Variants in GRM8 observed in about 807,000 individuals in gnomAD.
The protein encoded by GRM8 is metabotropic glutamate receptor 8.
Under a neutral mutation model 87.2 loss-of-function variants are expected in GRM8, and 47 were observed. The observed-to-expected ratio is 0.54, with a 90% CI of 0.43 to 0.69. The LOEUF (loss-of-function observed/expected upper bound fraction) is 0.69, where lower values mean the gene tolerates loss of function less well. Among genes scored for constraint, GRM8 ranks in the 30% least tolerant of loss-of-function variants. The pLI is 0.00. For missense variants in GRM8, 1,019 were observed against 1,139.2 expected (o/e 0.89, Z 1.52); for synonymous variants, 396 against 404.5 (o/e 0.98, Z 0.25).
chr7:126,770,331 A>G (rs573619840), intron 6 of GRM8, among the ~76,000 whole-genome samples: 1 of 152,132 alleles, frequency 6.6e-6, no homozygotes, highest in Non-Finnish European at 1.5e-5. Flanking sequence ...CACCTTATTG[A>G]GTCCTATTAT....
At chr7:126,803,685 C>G (rs939157742) in intron 6 of GRM8, among the ~76,000 whole-genome samples, 22 of 152,142 alleles carry the variant, frequency 1.4e-4, no homozygotes, top group African/African-American at 5.1e-4. Context: ...AAACAAAGTC[C>G]TTAATTATCT....
At chr7:126,666,647 A>C (rs1183800343) in intron 7 of GRM8, among the ~76,000 whole-genome samples, 1 of 152,142 alleles carries the variant, frequency 6.6e-6, no homozygotes, top group Non-Finnish European at 1.5e-5. Flanking sequence ...ACTGAGAACC[A>C]TACAAAAAAA....
Position 126,573,039 on chromosome 7 carries a change from G to A in GRM8, c.1494+36323C>T, listed in dbSNP as rs117508320. On this transcript the variant is annotated intron_variant, in intron 8 of 10. Transcript: ENST00000339582. ...GTAAAAATGCATTAGAACGTTAAGC[G>A]ATAGACTGAATATAAGAGAAGACAA... 2.0e-3 allele frequency among the ~76,000 whole-genome samples: 298 copies of A among 152,200 alleles called. 1 individual carries two copies. The highest frequency in any genetic ancestry group is 3.5e-3 in the Non-Finnish European group (235 of 68,002).
rs1232833331 is a variant in GRM8 at position 126,532,984 on chromosome 7, T to C, written c.2398A>G (p.Ile800Val). Residue 800 changes from isoleucine (I) to valine (V), a missense_variant, in exon 9 of 11, where the codon ATC (isoleucine) becomes GTC (valine). Transcript: ENST00000339582. The stretch of plus-strand genomic sequence containing the variant: ...GCTGACTGGGCTGTACCAAAAAAGA[T>C]GGGGATGAAAGCTAACCAAATGATG... Reference protein sequence around the residue: ...TCIIWLAFIPIFFGTAQSAEK... With the variant: ...TCIIWLAFIPVFFGTAQSAEK... 6.2e-7 allele frequency: 1 copy of C among 1,612,494 alleles called. No individual in the cohort carries two copies. The highest frequency in any genetic ancestry group is 1.7e-5 in the Admixed American group (1 of 59,876).
intron 2 of GRM8, among the ~76,000 whole-genome samples, chr7:127,136,912 T>C (rs999918958): frequency 1.3e-5 from 2 of 151,958 alleles, no homozygotes; most frequent in African/African-American, 4.8e-5. Context: ...AGGCAATTTC[T>C]AAAAGACTTT....
intron 2 of GRM8, among the ~76,000 whole-genome samples, chr7:127,173,563 A>G (rs1793937012): frequency 6.6e-6 from 1 of 152,226 alleles, no homozygotes; most frequent in South Asian, 2.1e-4. Flanking sequence ...ACTCTGGGTG[A>G]AACAGGGAAC....
At chr7:126,760,226 CA>C (rs1817454126) in intron 7 of GRM8, among the ~76,000 whole-genome samples, 2 of 151,972 alleles carry the variant, frequency 1.3e-5, no homozygotes, top group African/African-American at 4.8e-5. Context: ...CCAGGAATTA[CA>C]AAAATAAAGA....
chr7:126,648,403 A>T, intron 7 of GRM8, among the ~76,000 whole-genome samples: 1 of 152,202 alleles, frequency 6.6e-6, no homozygotes, highest in East Asian at 1.9e-4. Flanking sequence ...CTAGTATTTT[A>T]TGCCTAATGT....
At chr7:126,807,642 G>C (rs1792909578) in intron 6 of GRM8, among the ~76,000 whole-genome samples, 1 of 151,368 alleles carries the variant, frequency 6.6e-6, no homozygotes, top group Admixed American at 6.6e-5. Context: ...ACTTCTCCTT[G>C]TCTGGACTCC....
chr7:127,086,380 G>A lies in GRM8; in HGVS notation c.727+20116C>T, dbSNP rs548059749. ...CTCCAAAAGTGCTGAGATTACAGGC[G>A]TGAGCCACTGCGCCTGGCCCAGTAT... On this transcript the variant is annotated intron_variant, in intron 3 of 10. Coordinates refer to ENST00000339582, the MANE Select transcript of GRM8 (RefSeq NM_000845.3). 7.2e-5 allele frequency among the ~76,000 whole-genome samples: 11 copies of A among 152,326 alleles called. 1 individual carries two copies. Among genetic ancestry groups the A allele is most frequent in the African/African-American group, 2.2e-4 (9 of 41,572 alleles).
intron 6 of GRM8, among the ~76,000 whole-genome samples, chr7:126,901,305 T>C (rs549212357): frequency 6.6e-6 from 1 of 152,306 alleles, no homozygotes; most frequent in East Asian, 1.9e-4. Context: ...ACAGTCTAAT[T>C]ACCTTCCTCC....
chr7:126,574,758 T>A (rs1463342797), intron 8 of GRM8, among the ~76,000 whole-genome samples: 1 of 152,222 alleles, frequency 6.6e-6, no homozygotes, highest in Non-Finnish European at 1.5e-5. Flanking sequence ...TGTACTATTT[T>A]TTTTAGAAAC....
chr7:127,043,454 T>C (rs1228777461), intron 3 of GRM8, among the ~76,000 whole-genome samples: 2 of 152,216 alleles, frequency 1.3e-5, no homozygotes, highest in Non-Finnish European at 2.9e-5. Context: ...GATGAGTTCA[T>C]GTCCTTTGTA....
chr7:126,525,030 C>T (rs1451304795), intron 9 of GRM8, among the ~76,000 whole-genome samples: 1 of 151,752 alleles, frequency 6.6e-6, no homozygotes, highest in Non-Finnish European at 1.5e-5. Context: ...AAATTCTGCT[C>T]TGGGTTTTCT....
At chr7:127,005,445 A>G (rs1269708759) in intron 3 of GRM8, among the ~76,000 whole-genome samples, 2 of 151,712 alleles carry the variant, frequency 1.3e-5, no homozygotes, top group Non-Finnish European at 3.0e-5. Flanking sequence ...CTAAAAAATG[A>G]AAAATAAAAT....
At chr7:127,090,209 C>G (rs1186360123) in intron 3 of GRM8, among the ~76,000 whole-genome samples, 3 of 152,200 alleles carry the variant, frequency 2.0e-5, no homozygotes, top group Admixed American at 2.0e-4. Flanking sequence ...TGCACACGTA[C>G]CTCAACTGTA....
At chr7:126,606,456 T>A (rs1487413386) in intron 8 of GRM8, among the ~76,000 whole-genome samples, 1 of 152,140 alleles carries the variant, frequency 6.6e-6, no homozygotes, top group African/African-American at 2.4e-5. Flanking sequence ...TTAGACATGA[T>A]AAAACTGAGG....
chr7:126,601,252 G>C (rs1205914348), intron 8 of GRM8, among the ~76,000 whole-genome samples: 1 of 152,042 alleles, frequency 6.6e-6, no homozygotes, highest in Non-Finnish European at 1.5e-5. Context: ...CCCTACAAAC[G>C]ACATGAACTC....
At chr7:126,771,958 T>C (rs1818889483) in intron 6 of GRM8, among the ~76,000 whole-genome samples, 1 of 152,114 alleles carries the variant, frequency 6.6e-6, no homozygotes, top group South Asian at 2.1e-4. Context: ...GGTTATACTT[T>C]TGTCTCCTGA....
Sources: allele counts gnomAD v4.1 joint callset (sites outside exome capture counted in the v4.1 genomes callset), GRCh38; gene constraint gnomAD v4.1.1; transcripts MANE v1.5; gene names NCBI Gene and HGNC (gene_info 2026-07-23, HGNC 2026-07-21).